The following NEGR1 variants were observed in gnomAD, a reference collection of about 807,000 sequenced individuals.
NEGR1 encodes the protein neuronal growth regulator 1.
A neutral mutation model predicts 40.9 loss-of-function variants in NEGR1; 10 were observed. The ratio of observed to expected loss-of-function variants is 0.24; its 90% CI spans 0.15 to 0.42. The LOEUF is 0.42. Ranked by LOEUF, NEGR1 falls within the 10% of genes least tolerant of loss-of-function variation. The pLI is 1.00. For missense variants in NEGR1, 352 were observed against 438.9 expected (o/e 0.80, Z 1.77); for synonymous variants, 185 against 166.8 (o/e 1.11, Z -0.84).
At chr1:72,037,410 T>C (rs1646912687) in intron 1 of NEGR1, among the ~76,000 whole-genome samples, 1 of 152,132 alleles carries the variant, frequency 6.6e-6, no homozygotes, top group Admixed American at 6.6e-5. Context: ...ACTTCACAAA[T>C]GAAGAAATCT....
intron 2 of NEGR1, among the ~76,000 whole-genome samples, chr1:71,875,017 T>G (rs1279816320): frequency 6.6e-6 from 1 of 152,034 alleles, no homozygotes; most frequent in African/African-American, 2.4e-5. Flanking sequence ...GCTAATATTT[T>G]TAAATTTTTT....
chr1:71,874,440 C>G (rs1660367394), intron 2 of NEGR1, among the ~76,000 whole-genome samples: 1 of 152,156 alleles, frequency 6.6e-6, no homozygotes, highest in Admixed American at 6.6e-5. Context: ...TTCTTATTTT[C>G]TCTCCCTGTC....
Position 71,592,890 on chromosome 1 carries a change from C to T in NEGR1, c.867G>A (p.Gln289=). 1.9e-6 allele frequency: 3 copies of T among 1,612,372 alleles called. No individual in the cohort carries two copies. The highest frequency in any genetic ancestry group is 2.5e-6 in the Non-Finnish European group (3 of 1,178,448). Residue 289 remains glutamine, a synonymous_variant, in exon 6 of 7, where the codon CAG becomes CAA. Transcript: ENST00000357731. ...CACAGGTATAATTGCCGAAGTGCTC[C>T]TGTGTCACGTTGGTAACAGTGAGAA... ...RSILTVTNVT[Q]EHFGNYTCVA... is the part of the protein sequence containing the mutation.
chr1:71,674,619 C>CAA (rs1483042132), intron 4 of NEGR1, among the ~76,000 whole-genome samples: 2 of 144,802 alleles, frequency 1.4e-5, no homozygotes, highest in South Asian at 2.2e-4. Context: ...CACACACACA[C>CAA]AAATGTATAC....
chr1:72,269,937 T>G (rs1473121404), intron 1 of NEGR1, among the ~76,000 whole-genome samples: 1 of 151,868 alleles, frequency 6.6e-6, no homozygotes, highest in Admixed American at 6.6e-5. Flanking sequence ...CTCGATGTTT[T>G]TAATCACTGT....
intron 2 of NEGR1, among the ~76,000 whole-genome samples, chr1:71,789,821 C>A (rs1174161846): frequency 6.6e-6 from 1 of 152,012 alleles, no homozygotes; most frequent in African/African-American, 2.4e-5. Context: ...CAAAAATAAG[C>A]CAAACCAACC....
At chr1:71,865,136 G>A (rs1464445531) in intron 2 of NEGR1, among the ~76,000 whole-genome samples, 2 of 152,134 alleles carry the variant, frequency 1.3e-5, no homozygotes, top group African/African-American at 4.8e-5. Context: ...GTGGCCTCCT[G>A]ATTGCCATCT....
intron 1 of NEGR1, among the ~76,000 whole-genome samples, chr1:72,010,452 C>T (rs1013378681): frequency 2.0e-5 from 3 of 152,256 alleles, no homozygotes; most frequent in East Asian, 3.9e-4. Flanking sequence ...AAGTCATACT[C>T]TCTCTTTTTC....
At chr1:72,073,022 C>T (rs141003376) in intron 1 of NEGR1, among the ~76,000 whole-genome samples, 4 of 152,156 alleles carry the variant, frequency 2.6e-5, no homozygotes, top group South Asian at 2.1e-4. Flanking sequence ...GTATATAGGA[C>T]ATTTATTGGG....
intron 2 of NEGR1, among the ~76,000 whole-genome samples, chr1:71,813,378 T>G (rs1658075684): frequency 6.6e-6 from 1 of 152,176 alleles, no homozygotes; most frequent in Non-Finnish European, 1.5e-5. Context: ...TGCCTCCAGC[T>G]TTTTTCTTTT....
intron 1 of NEGR1, among the ~76,000 whole-genome samples, chr1:71,960,816 CTCAG>C (rs1340204500): frequency 6.6e-6 from 1 of 152,086 alleles, no homozygotes; most frequent in Non-Finnish European, 1.5e-5. Context: ...GTAAATTCAA[CTCAG>C]TCAGCTCTTA....
At chr1:71,474,424 G>A (rs1333089789) in intron 6 of NEGR1, among the ~76,000 whole-genome samples, 1 of 150,860 alleles carries the variant, frequency 6.6e-6, no homozygotes, top group Non-Finnish European at 1.5e-5. Context: ...TGTAATACCA[G>A]CACTTTTGGG....
At chr1:71,860,932 A>T (rs921364273) in intron 2 of NEGR1, among the ~76,000 whole-genome samples, 1 of 151,988 alleles carries the variant, frequency 6.6e-6, no homozygotes, top group Non-Finnish European at 1.5e-5. Flanking sequence ...AAATAGTATA[A>T]TTGGGTATCC....
chr1:71,568,536 G>C (rs1472574954), intron 6 of NEGR1, among the ~76,000 whole-genome samples: 1 of 152,106 alleles, frequency 6.6e-6, no homozygotes, highest in Non-Finnish European at 1.5e-5. Context: ...ATTTATTGAA[G>C]TTACCATGTG....
chr1:71,989,431 C>G (rs1363021663), intron 1 of NEGR1, among the ~76,000 whole-genome samples: 4 of 152,088 alleles, frequency 2.6e-5, no homozygotes, highest in Non-Finnish European at 5.9e-5. Context: ...AATTAATGAG[C>G]CAGTAAGTGA....
At chr1:72,065,468 A>T (rs1345100745) in intron 1 of NEGR1, among the ~76,000 whole-genome samples, 1 of 152,034 alleles carries the variant, frequency 6.6e-6, no homozygotes, top group Non-Finnish European at 1.5e-5. Flanking sequence ...CCAAATTTGA[A>T]ATAGACAAAC....
chr1:71,558,722 CTTTTT>C (rs34141206), intron 6 of NEGR1, among the ~76,000 whole-genome samples: 1 of 134,314 alleles, frequency 7.4e-6, no homozygotes, highest in East Asian at 2.1e-4. Context: ...TCTTTTCTTT[CTTTTT>C]TTTTTTTTTT....
chr1:71,874,906 T>C lies in NEGR1; in HGVS notation c.409+60173A>G, dbSNP rs533560178. Among the ~76,000 whole-genome samples the C allele has an allele frequency of 3.1e-4, 47 of 152,146 alleles. 1 individual carries two copies. In the East Asian group the frequency reaches 4.8e-3, roughly 16 times the overall value. ...TCACCCAGGCTGGAATGCAGTAACATAATCATGATTCATTGCAGCTTCAAA... is the reference window on the plus strand; with the variant it reads ...TCACCCAGGCTGGAATGCAGTAACACAATCATGATTCATTGCAGCTTCAAA... On this transcript the variant is annotated intron_variant, in intron 2 of 6. Transcript: ENST00000357731.
intron 1 of NEGR1, among the ~76,000 whole-genome samples, chr1:72,254,140 C>T (rs1481224812): frequency 6.6e-6 from 1 of 152,184 alleles, no homozygotes; most frequent in Non-Finnish European, 1.5e-5. Context: ...TTCTATATCA[C>T]ATGTACTACT....
Sources: allele counts gnomAD v4.1 joint callset (sites outside exome capture counted in the v4.1 genomes callset), GRCh38; gene constraint gnomAD v4.1.1; transcripts MANE v1.5; gene names NCBI Gene and HGNC (gene_info 2026-07-23, HGNC 2026-07-21).